UBR4: variants seen among roughly 807,000 people sequenced by gnomAD.
UBR4 encodes the protein E3 ubiquitin-protein ligase UBR4.
Under a neutral mutation model 575.6 loss-of-function variants are expected in UBR4, and 124 were observed. That is an observed-to-expected ratio of 0.22 (90% CI 0.19 to 0.25). UBR4 has a LOEUF of 0.25. Ranked by LOEUF, UBR4 falls within the 10% of genes least tolerant of loss-of-function variation. The probability of loss-of-function intolerance (pLI) is 1.00; values close to 1 mark genes in which losing one functional copy is unlikely to be tolerated. For missense variants in UBR4, 4,818 were observed against 6,478.8 expected (o/e 0.74, Z 8.80); for synonymous variants, 2,455 against 2,473.7 (o/e 0.99, Z 0.22).
intron 11 of UBR4, among the ~76,000 whole-genome samples, chr1:19,190,312 A>AAAAATATATATAT: frequency 4.6e-4 from 37 of 79,900 alleles, no homozygotes; most frequent in African/African-American, 1.8e-3. Context: ...AAAAAAAAAA[A>AAAAATATATATAT]ATATATATAT....
intron 52 of UBR4, 142 bp downstream of exon 52, chr1:19,146,684 C>G (rs1448412992): frequency 9.0e-7 from 1 of 1,108,460 alleles, no homozygotes; most frequent in Non-Finnish European, 1.3e-6. Context: ...TCAAAAGGCC[C>G]TACAAGGTAT....
chr1:19,100,283 T>A lies in UBR4; in HGVS notation c.13221+93A>T, dbSNP rs1298512722. The A allele has an allele frequency of 7.0e-7, 1 of 1,424,610 alleles. No homozygotes were observed. Among genetic ancestry groups the A allele is most frequent in the Non-Finnish European group, 9.8e-7 (1 of 1,023,040 alleles). 88.2% of individuals were successfully genotyped at this position (1,424,610 alleles called of 1,614,324 possible). Reference sequence around the variant, plus strand: ...AAACTGAAGGCCACCTGCCCCAAGTTAATCAGCTACTAGGAAGAAGCACCT... The same window carrying A: ...AAACTGAAGGCCACCTGCCCCAAGTAAATCAGCTACTAGGAAGAAGCACCT... On this transcript the variant is annotated intron_variant, in intron 89 of 105. Transcript: ENST00000375254. This position sits in a 1 kb window ranked among gnomAD's most constrained non-coding sequence, Gnocchi z 4.2.
intron 29 of UBR4, among the ~76,000 whole-genome samples, chr1:19,166,572 G>T (rs2088447146): frequency 6.6e-6 from 1 of 151,854 alleles, no homozygotes; most frequent in African/African-American, 2.4e-5. Context: ...ATTTTCTGTT[G>T]AAAAACACAA....
At chr1:19,190,904 T>G (rs1278588508) in intron 11 of UBR4, among the ~76,000 whole-genome samples, 4 of 152,210 alleles carry the variant, frequency 2.6e-5, no homozygotes, top group Non-Finnish European at 4.4e-5. Flanking sequence ...CTCCCTTGTT[T>G]AATCCTTCTA....
At chr1:19,085,314 G>C (rs2076908549) in intron 101 of UBR4, among the ~76,000 whole-genome samples, 1 of 152,200 alleles carries the variant, frequency 6.6e-6, no homozygotes, top group Non-Finnish European at 1.5e-5. Flanking sequence ...CTGAGGTCAG[G>C]AGTTCCAGAC....
rs761953400 is a variant in UBR4 at position 19,141,432 on chromosome 1, G to A, written c.8403C>T (p.Pro2801=). Residue 2801 remains proline, a synonymous_variant, in exon 57 of 106, where the codon CCC becomes CCT. Coordinates refer to ENST00000375254, the MANE Select transcript of UBR4 (RefSeq NM_020765.3). ...EALLAGAEGF[P]PMLDIPPDAD... Reference sequence around the variant, plus strand: ...CATCAGGTGGGATGTCCAGCATGGGGGGGAAGCCCTCTGCGCCTGCCAGCA... The same window carrying A: ...CATCAGGTGGGATGTCCAGCATGGGAGGGAAGCCCTCTGCGCCTGCCAGCA... The A allele has an allele frequency of 1.2e-6, 2 of 1,614,250 alleles. No individual in the cohort carries two copies. The highest frequency in any genetic ancestry group is 1.3e-5 in the African/African-American group (1 of 75,070).
rs763485516 is a variant in UBR4, at chr1:19,184,058, G to C, written c.2056C>G (p.Leu686Val). The C allele has an allele frequency of 2.5e-6, 4 of 1,613,900 alleles. No individual in the cohort carries two copies. The highest frequency in any genetic ancestry group is 3.4e-6 in the Non-Finnish European group (4 of 1,179,974). ...TCCACCTCCTTGATGATACTGGCTA[G>C]GGTGGCCATATGGTGTTCTGAAAGA... is the stretch of plus-strand genomic sequence containing the variant. ...VSLSEHHMAT[L>V]ASIIKEVDKD... is the part of the protein sequence containing the mutation. Residue 686 changes from leucine to valine, a missense_variant, in exon 16 of 106, where the codon CTA (leucine) becomes GTA (valine). By Grantham distance (32) the Leu-to-Val change is conservative. Coordinates refer to ENST00000375254, the MANE Select transcript of UBR4 (RefSeq NM_020765.3).
At position 19,088,684 on chromosome 1, in the gene UBR4, C is replaced by G; in HGVS notation, c.14430+75G>C. ...AGCCTTCTCTTTCCCCATGGCCAAC[C>G]CCAGGGCTGTCCCATGGCCACCTCC... On this transcript the variant is annotated intron_variant, in intron 98 of 105. Transcript: ENST00000375254. This position sits in a 1 kb window ranked among gnomAD's most constrained non-coding sequence, Gnocchi z 4.0. 6 of 1,520,750 alleles carry G rather than the reference C, an allele frequency of 3.9e-6. No homozygotes were observed. Among genetic ancestry groups the G allele is most frequent in the Non-Finnish European group, 5.4e-6 (6 of 1,102,022 alleles). 94.2% of individuals were successfully genotyped at this position (1,520,750 alleles called of 1,614,324 possible).
At chr1:19,191,127 A>T (rs2092039749) in intron 11 of UBR4, among the ~76,000 whole-genome samples, 1 of 152,194 alleles carries the variant, frequency 6.6e-6, no homozygotes, top group Admixed American at 6.5e-5. Flanking sequence ...TCTCTACATC[A>T]TGTCTTTGGA....
chr1:19,195,686 CCTAG>C (rs1332393867), intron 8 of UBR4, among the ~76,000 whole-genome samples: 2 of 152,026 alleles, frequency 1.3e-5, no homozygotes, highest in African/African-American at 4.8e-5. Context: ...ATGCTGCTGC[CCTAG>C]CTGAGGCCCT....
chr1:19,095,065 C>T, intron 93 of UBR4, 40 bp from the exon 94 acceptor site: 1 of 1,613,842 alleles, frequency 6.2e-7, no homozygotes, highest in Non-Finnish European at 8.5e-7. Context: ...AGAATAAGAC[C>T]ACAGCCACTA....
chr1:19,077,840 G>A, intron 104 of UBR4, 136 bp downstream of exon 104: 2 of 1,552,388 alleles, frequency 1.3e-6, no homozygotes, highest in Non-Finnish European at 1.7e-6. Flanking sequence ...AGTTGGGGTT[G>A]TTTGTTTCTA....
At chr1:19,161,504 A>T in intron 37 of UBR4, 85 bp downstream of exon 37, 1 of 1,505,520 alleles carries the variant, frequency 6.6e-7, no homozygotes. Flanking sequence ...GGTATCCTGG[A>T]GGTGATGGGA....
chr1:19,168,055 G>A lies in UBR4; in HGVS notation c.3871C>T (p.Leu1291=). 2.5e-6 allele frequency: 4 copies of A among 1,613,562 alleles called. No individual in the cohort carries two copies. The highest frequency in any genetic ancestry group is 3.4e-6 in the Non-Finnish European group (4 of 1,179,584). ...AASLKHTLLS[L]VRLTGDLIVW... is the part of the protein sequence containing the mutation. ...ATAAGATCTCCAGTCAACCTGACCA[G>A]TGAGAGGAGGGTATGCTTCAGGGAA... is the stretch of plus-strand genomic sequence containing the variant. Residue 1291 remains leucine, a synonymous_variant, in exon 28 of 106, where the codon CTG becomes TTG. Coordinates refer to ENST00000375254, the MANE Select transcript of UBR4 (RefSeq NM_020765.3).
At chr1:19,146,732 A>C in intron 52 of UBR4, 94 bp downstream of exon 52, 3 of 1,466,000 alleles carry the variant, frequency 2.0e-6, no homozygotes, top group Non-Finnish European at 2.7e-6. Context: ...CTGAGCATGC[A>C]GTCAGTCAGA....
In UBR4 at chr1:19,147,020, C is replaced by G; in HGVS notation, c.7630-20G>C. The G allele has an allele frequency of 6.4e-7, 1 of 1,571,610 alleles. No individual in the cohort carries two copies. Among genetic ancestry groups the G allele is most frequent in the African/African-American group, 1.4e-5 (1 of 73,996 alleles). ...CTGATCCTGTAAAACAACAGGAGCA[C>G]AGAGGGTCAGCCATAAGCAAGAGCT... On this transcript the variant is annotated intron_variant, in intron 51 of 105. Coordinates refer to ENST00000375254, the MANE Select transcript of UBR4 (RefSeq NM_020765.3).
intron 43 of UBR4, 23 bp downstream of exon 43, chr1:19,155,418 G>T: frequency 6.3e-7 from 1 of 1,598,658 alleles, no homozygotes; most frequent in South Asian, 1.1e-5. Flanking sequence ...GGAATAGAAG[G>T]AAATAGCAAC....
chr1:19,171,741 C>T (rs911440126), intron 25 of UBR4, among the ~76,000 whole-genome samples: 2 of 152,060 alleles, frequency 1.3e-5, no homozygotes, highest in Non-Finnish European at 2.9e-5. Flanking sequence ...CCCTGCCACT[C>T]GGGAAACTGA....
At chr1:19,129,193 G>T in intron 60 of UBR4, 119 bp from the exon 61 acceptor site, 2 of 753,606 alleles carry the variant, frequency 2.7e-6, no homozygotes, top group Non-Finnish European at 4.3e-6. Flanking sequence ...TAATGCTTAG[G>T]AACAATCTCC....
Sources: gnomAD v4.1 joint callset for allele counts (sites outside exome capture counted in the v4.1 genomes callset) on GRCh38, gnomAD v4.1.1 for gene constraint, Gnocchi (gnomAD v3.1) non-coding constraint, MANE v1.5 for transcripts, NCBI Gene and HGNC (gene_info 2026-07-23, HGNC 2026-07-21) for gene names.